The following CNTNAP4 variants were observed in gnomAD, a reference collection of about 807,000 sequenced individuals.
CNTNAP4 encodes the protein contactin-associated protein-like 4.
Under a neutral mutation model 148.4 loss-of-function variants are expected in CNTNAP4, and 98 were observed. The ratio of observed to expected loss-of-function variants is 0.66; its 90% CI spans 0.56 to 0.78. The LOEUF (loss-of-function observed/expected upper bound fraction) is 0.78. Among genes scored for constraint, CNTNAP4 ranks in the 30% least tolerant of loss-of-function variants. The pLI is 0.00. For missense variants in CNTNAP4, 1,935 were observed against 1,565.6 expected (o/e 1.24, Z -3.98); for synonymous variants, 730 against 565.1 (o/e 1.29, Z -4.14).
intron 2 of CNTNAP4, among the ~76,000 whole-genome samples, chr16:76,346,898 T>A (rs1964947839): frequency 6.6e-6 from 1 of 152,202 alleles, no homozygotes; most frequent in African/African-American, 2.4e-5. Flanking sequence ...AGTCTGGCAA[T>A]ACAAGAAGTA....
intron 3 of CNTNAP4, among the ~76,000 whole-genome samples, chr16:76,405,120 G>A (rs1168206519): frequency 6.6e-6 from 1 of 152,098 alleles, no homozygotes; most frequent in Non-Finnish European, 1.5e-5. Flanking sequence ...AAATGACACA[G>A]AATTAAGATT....
At chr16:76,539,004 A>C (rs1000330398) in intron 19 of CNTNAP4, among the ~76,000 whole-genome samples, 2 of 152,056 alleles carry the variant, frequency 1.3e-5, no homozygotes, top group Admixed American at 6.6e-5. Flanking sequence ...AACTGATTCA[A>C]ATATATCCCA....
chr16:76,352,206 T>C (rs1159411319), intron 2 of CNTNAP4, among the ~76,000 whole-genome samples: 1 of 152,156 alleles, frequency 6.6e-6, no homozygotes, highest in Non-Finnish European at 1.5e-5. Context: ...TTCAAGATGC[T>C]TGATTAGTAC....
intron 1 of CNTNAP4, among the ~76,000 whole-genome samples, chr16:76,310,208 G>T (rs528174552): frequency 6.6e-6 from 1 of 152,262 alleles, no homozygotes; most frequent in African/African-American, 2.4e-5. Flanking sequence ...TGTCATGGTA[G>T]GGCGAGGAGA....
chr16:76,420,286 A>AGAATAATTT (rs1262105486), intron 3 of CNTNAP4, among the ~76,000 whole-genome samples: 1 of 151,524 alleles, frequency 6.6e-6, no homozygotes, highest in Non-Finnish European at 1.5e-5. Context: ...GATAAATATT[A>AGAATAATTT]ATTTCCCTTT....
At chr16:76,526,116 C>G (rs1416564951) in intron 17 of CNTNAP4, among the ~76,000 whole-genome samples, 1 of 151,998 alleles carries the variant, frequency 6.6e-6, no homozygotes, top group Non-Finnish European at 1.5e-5. Context: ...TCAGTGCAGT[C>G]TTCTCTGGAG....
chr16:76,455,274 T>A (rs1041778800), intron 8 of CNTNAP4, among the ~76,000 whole-genome samples: 6 of 152,212 alleles, frequency 3.9e-5, no homozygotes, highest in African/African-American at 1.4e-4. Flanking sequence ...CTGCTATGAT[T>A]TTAGCATTTC....
intron 3 of CNTNAP4, among the ~76,000 whole-genome samples, chr16:76,395,973 C>T (rs2078189291): frequency 6.6e-6 from 1 of 152,270 alleles, no homozygotes; most frequent in Non-Finnish European, 1.5e-5. Context: ...AGGTGATCTG[C>T]TGGCCTCAGC....
At chr16:76,317,012 T>C (rs1007677477) in intron 2 of CNTNAP4, among the ~76,000 whole-genome samples, 3 of 152,252 alleles carry the variant, frequency 2.0e-5, no homozygotes, top group Middle Eastern at 3.4e-3. Flanking sequence ...ATGCCTATAA[T>C]GCCAACACTT....
intron 3 of CNTNAP4, among the ~76,000 whole-genome samples, chr16:76,395,903 A>G (rs1217808740): frequency 6.6e-6 from 1 of 151,670 alleles, no homozygotes; most frequent in African/African-American, 2.4e-5. Context: ...TAATTTTTGT[A>G]TTTTTAGTAG....
rs531770402 is a variant in CNTNAP4 at position 76,384,704 on chromosome 16, C to G, written c.390+29193C>G. On this transcript the variant is annotated intron_variant, in intron 3 of 23. Coordinates refer to ENST00000611870, the MANE Select transcript of CNTNAP4 (RefSeq NM_033401.5). ...GGCCTTGTTATTAGTCATGCTTCAT[C>G]ATGACCTCGAAATCACCAGTTGTCA... 9.0e-4 allele frequency among the ~76,000 whole-genome samples: 137 copies of G among 152,308 alleles called. 1 individual carries two copies. Among genetic ancestry groups the G allele is most frequent in the African/African-American group, 3.1e-3 (128 of 41,558 alleles).
chr16:76,328,538 C>A (rs1963218482), intron 2 of CNTNAP4, among the ~76,000 whole-genome samples: 1 of 152,044 alleles, frequency 6.6e-6, no homozygotes, highest in African/African-American at 2.4e-5. Flanking sequence ...GCAGAAAGGA[C>A]ATTTAGTAAA....
intron 4 of CNTNAP4, among the ~76,000 whole-genome samples, chr16:76,440,093 G>T (rs1052625508): frequency 1.3e-5 from 2 of 152,258 alleles, no homozygotes; most frequent in African/African-American, 4.8e-5. Flanking sequence ...AGTATGATCA[G>T]TGTTTAAGGC....
intron 2 of CNTNAP4, among the ~76,000 whole-genome samples, chr16:76,340,814 T>C (rs1964408428): frequency 6.6e-6 from 1 of 152,188 alleles, no homozygotes; most frequent in Non-Finnish European, 1.5e-5. Flanking sequence ...ATTACTCTTT[T>C]TCTCTCTGCT....
At chr16:76,286,995 C>T (rs900965284) in intron 1 of CNTNAP4, among the ~76,000 whole-genome samples, 2 of 152,306 alleles carry the variant, frequency 1.3e-5, no homozygotes, top group Admixed American at 6.5e-5. Context: ...GATTTCTGTG[C>T]TTATTTGAAC....
chr16:76,395,412 C>T (rs1242145223), intron 3 of CNTNAP4, among the ~76,000 whole-genome samples: 3 of 151,452 alleles, frequency 2.0e-5, no homozygotes, highest in East Asian at 2.0e-4. Flanking sequence ...ATTACAGGCA[C>T]GTGCCACCAC....
chr16:76,470,589 G>A (rs1398199721), intron 10 of CNTNAP4, among the ~76,000 whole-genome samples: 1 of 150,436 alleles, frequency 6.6e-6, no homozygotes, highest in Non-Finnish European at 1.5e-5. Flanking sequence ...GACGAAGGTT[G>A]CAGTGAGCCA....
intron 19 of CNTNAP4, among the ~76,000 whole-genome samples, chr16:76,538,812 A>T (rs2084328348): frequency 6.6e-6 from 1 of 152,066 alleles, no homozygotes; most frequent in Admixed American, 6.5e-5. Flanking sequence ...AAAAATCATC[A>T]TGGGAAAAAA....
chr16:76,419,133 A>T (rs1201350943), intron 3 of CNTNAP4, among the ~76,000 whole-genome samples: 1 of 151,922 alleles, frequency 6.6e-6, no homozygotes, highest in Non-Finnish European at 1.5e-5. Context: ...TCACAAGCAT[A>T]TCTCTGGTGG....
Sources: gnomAD v4.1 joint callset for allele counts (sites outside exome capture counted in the v4.1 genomes callset) on GRCh38, gnomAD v4.1.1 for gene constraint, MANE v1.5 for transcripts, NCBI Gene and HGNC (gene_info 2026-07-23, HGNC 2026-07-21) for gene names.